The following TXK variants were observed in gnomAD, a reference collection of about 807,000 sequenced individuals.
TXK encodes the protein tyrosine-protein kinase TXK.
In TXK, 60 loss-of-function variants were observed where a neutral mutation model predicts 81.0. The ratio of observed to expected loss-of-function variants is 0.74; its 90% CI spans 0.60 to 0.92. The LOEUF (loss-of-function observed/expected upper bound fraction) is 0.92. TXK is among the 40% of genes least tolerant of loss of function. The probability of loss-of-function intolerance (pLI) is 0.00; values close to 1 mark genes in which losing one functional copy is unlikely to be tolerated. For missense variants in TXK, 581 were observed against 638.3 expected, an observed-to-expected ratio of 0.91 and a Z score of 0.97; for synonymous variants, 203 against 210.7, an observed-to-expected ratio of 0.96 and a Z score of 0.32.
At chr4:48,128,553 A>G (rs1244206321) in intron 1 of TXK, among the ~76,000 whole-genome samples, 1 of 140,482 alleles carries the variant, frequency 7.1e-6, no homozygotes, top group African/African-American at 2.6e-5. Context: ...AATGCCCACC[A>G]CTACATCCTT....
At chr4:48,090,393 G>A (rs1418596169) in intron 8 of TXK, among the ~76,000 whole-genome samples, 2 of 152,184 alleles carry the variant, frequency 1.3e-5, no homozygotes, top group East Asian at 1.9e-4. Context: ...CACCAACGGT[G>A]TTGAAGTGTG....
chr4:48,127,432 T>C (rs191603226), intron 1 of TXK, among the ~76,000 whole-genome samples: 5 of 152,342 alleles, frequency 3.3e-5, no homozygotes, highest in African/African-American at 1.2e-4. Flanking sequence ...GAAGCCATTC[T>C]TTGAATTGTT....
chr4:48,113,420 C>T (rs923410130), intron 2 of TXK, 111 bp from the exon 3 acceptor site: 2 of 762,504 alleles, frequency 2.6e-6, no homozygotes, highest in African/African-American at 3.4e-5. Flanking sequence ...TTTCCAACTC[C>T]ATTTTCATTT....
At chr4:48,103,920 A>G (rs191940610) in intron 6 of TXK, among the ~76,000 whole-genome samples, 1 of 151,916 alleles carries the variant, frequency 6.6e-6, no homozygotes, top group Non-Finnish European at 1.5e-5. Context: ...ACAGGACTCC[A>G]GACTGGGCGT....
Position 48,076,463 on chromosome 4 carries a change from C to A in TXK, c.1177G>T (p.Ala393Ser). 1 of 1,609,620 alleles carries A rather than the reference C, an allele frequency of 6.2e-7. No homozygotes were observed. The highest frequency in any genetic ancestry group is 8.5e-7 in the Non-Finnish European group (1 of 1,178,792). ...RNGYIHRDLA[A>S]RNCLVSSTCI... ...GTTGAACTGACCAAACAATTCCTTGCCGCCTATGGAAAGAAGAAAAGAATC... is the reference window on the plus strand; with the variant it reads ...GTTGAACTGACCAAACAATTCCTTGACGCCTATGGAAAGAAGAAAAGAATC... Residue 393 changes from alanine (A) to serine (S), a missense_variant, in exon 12 of 15, where the codon GCA becomes TCA. Transcript: ENST00000264316.
At chr4:48,107,451 C>A (rs894069928) in intron 5 of TXK, among the ~76,000 whole-genome samples, 6 of 151,890 alleles carry the variant, frequency 4.0e-5, no homozygotes, top group African/African-American at 1.2e-4. Context: ...CAGAGCCAAC[C>A]CAACATCCCC....
rs1718602184 is a variant in TXK, at chr4:48,110,564, G to A, written c.420C>T (p.Asn140=). 6.2e-7 allele frequency: 1 copy of A among 1,611,238 alleles called. No individual in the cohort carries two copies. The highest frequency in any genetic ancestry group is 1.1e-5 in the South Asian group (1 of 90,810). Reference sequence around the variant, plus strand: ...CATATATTTCTAAATTAGTTATTTTGTTTTCAGTCACATAGTTGCTTGGGA... The same window carrying A: ...CATATATTTCTAAATTAGTTATTTTATTTTCAGTCACATAGTTGCTTGGGA... The part of the protein sequence containing the change: ...GLIPSNYVTE[N]KITNLEIYEW... The change falls in exon 5 of 15, where the codon AAC becomes AAT. Residue 140 remains asparagine (N), a synonymous_variant. Coordinates refer to ENST00000264316, the MANE Select transcript of TXK (RefSeq NM_003328.3).
Position 48,110,641 on chromosome 4 carries a change from C to T in TXK, c.381-38G>A, listed in dbSNP as rs766099798. 6 of 1,519,364 alleles carry T rather than the reference C, an allele frequency of 3.9e-6. No individual in the cohort carries two copies. In the East Asian group the frequency reaches 6.8e-5, roughly 17 times the overall value. The allele number at this position is 1,519,364 out of a possible 1,614,324, so 94.1% of individuals were successfully genotyped here. ...AAAAAGCAAAAATCAAAATGCTTGGCATGTTTGTGGCATTATCATGGCAAC... is the reference window on the plus strand; with the variant it reads ...AAAAAGCAAAAATCAAAATGCTTGGTATGTTTGTGGCATTATCATGGCAAC... On this transcript the variant is annotated intron_variant, in intron 4 of 14. Coordinates refer to ENST00000264316, the MANE Select transcript of TXK (RefSeq NM_003328.3).
intron 1 of TXK, among the ~76,000 whole-genome samples, chr4:48,132,965 A>G (rs1421138062): frequency 6.6e-6 from 1 of 151,928 alleles, no homozygotes. Context: ...AAAAAGTCTC[A>G]TACTTAAATC....
intron 1 of TXK, among the ~76,000 whole-genome samples, chr4:48,120,382 C>CGT: frequency 6.7e-6 from 1 of 150,182 alleles, no homozygotes; most frequent in East Asian, 2.0e-4. Context: ...TACATATATA[C>CGT]GTATATATAT....
At chr4:48,132,535 A>G (rs1719271217) in intron 1 of TXK, among the ~76,000 whole-genome samples, 1 of 152,324 alleles carries the variant, frequency 6.6e-6, no homozygotes, top group Non-Finnish European at 1.5e-5. Flanking sequence ...ACAAATATAC[A>G]CATACACACA....
At chr4:48,132,527 A>G (rs1484202365) in intron 1 of TXK, among the ~76,000 whole-genome samples, 1 of 152,234 alleles carries the variant, frequency 6.6e-6, no homozygotes, top group Non-Finnish European at 1.5e-5. Context: ...ATATGTATAC[A>G]AATATACACA....
chr4:48,130,221 A>G (rs759600679), intron 1 of TXK, among the ~76,000 whole-genome samples: 17 of 152,184 alleles, frequency 1.1e-4, no homozygotes, highest in Non-Finnish European at 2.1e-4. Flanking sequence ...CTTTTGCCAC[A>G]CACTTAGTTA....
At chr4:48,129,800 C>G (rs1281518122) in intron 1 of TXK, among the ~76,000 whole-genome samples, 3 of 152,144 alleles carry the variant, frequency 2.0e-5, no homozygotes, top group African/African-American at 7.2e-5. Flanking sequence ...CCCCACATCT[C>G]AAAACAGTGT....
chr4:48,111,830 T>C (rs1718641401), intron 4 of TXK, among the ~76,000 whole-genome samples: 1 of 152,226 alleles, frequency 6.6e-6, no homozygotes, highest in Non-Finnish European at 1.5e-5. Context: ...ATGAAACCTA[T>C]CTGCATCCCA....
chr4:48,110,701 A>G (rs944535221), intron 4 of TXK, 98 bp from the exon 5 acceptor site: 6 of 857,810 alleles, frequency 7.0e-6, no homozygotes, highest in South Asian at 4.7e-5. Context: ...TAGGGGGGAA[A>G]TCAAATTCAT....
chr4:48,096,214 A>G (rs1717973306), intron 6 of TXK, among the ~76,000 whole-genome samples: 1 of 152,230 alleles, frequency 6.6e-6, no homozygotes, highest in Non-Finnish European at 1.5e-5. Context: ...GAAATAATAA[A>G]ATCTAGCTTT....
chr4:48,072,926 T>G (rs1716919654), intron 13 of TXK, among the ~76,000 whole-genome samples: 1 of 152,158 alleles, frequency 6.6e-6, no homozygotes, highest in Non-Finnish European at 1.5e-5. Flanking sequence ...TTTTTAAATT[T>G]ATGTTTTAAT....
intron 10 of TXK, among the ~76,000 whole-genome samples, chr4:48,080,603 G>A (rs1265009714): frequency 6.7e-6 from 1 of 150,028 alleles, no homozygotes; most frequent in Non-Finnish European, 1.5e-5. Context: ...GAAAATTGTA[G>A]ATAAAGTTGG....
Sources: allele counts gnomAD v4.1 joint callset (sites outside exome capture counted in the v4.1 genomes callset), GRCh38; gene constraint gnomAD v4.1.1; transcripts MANE v1.5; gene names NCBI Gene and HGNC (gene_info 2026-07-23, HGNC 2026-07-21).